Variants in RPTOR observed in about 807,000 individuals in gnomAD.
The protein encoded by RPTOR is regulatory associated protein of MTOR complex 1.
RPTOR carries 21 observed loss-of-function variants against 169.9 expected under a neutral mutation model. That is an observed-to-expected ratio of 0.12 (90% CI 0.09 to 0.18). RPTOR has a LOEUF of 0.18. Among genes scored for constraint, RPTOR ranks in the 10% least tolerant of loss-of-function variants. The pLI is 1.00. For synonymous variants in RPTOR, 732 were observed against 753.2 expected (o/e 0.97, Z 0.46); for missense variants, 1,133 against 1,855.9 (o/e 0.61, Z 7.16).
intron 20 of RPTOR, among the ~76,000 whole-genome samples, chr17:80,902,744 A>G (rs143922804): frequency 1.3e-5 from 2 of 152,192 alleles, no homozygotes; most frequent in African/African-American, 2.4e-5. Flanking sequence ...ACACCCATGC[A>G]TGTGGCCCCA....
rs930606876 is a variant in RPTOR, at chr17:80,726,099, G to A, written c.508-4461G>A. On this transcript the variant is annotated intron_variant, in intron 4 of 33. Coordinates refer to ENST00000306801, the MANE Select transcript of RPTOR (RefSeq NM_020761.3). This position sits in a 1 kb window ranked among gnomAD's most constrained non-coding sequence, Gnocchi z 4.5. ...GGCCCTGGTGCTGAGAGGGACAGAC[G>A]CCGCTCACAGAGAAGCGACCACAGA... Among the ~76,000 whole-genome samples, 17 of 152,166 alleles carry A rather than the reference G, an allele frequency of 1.1e-4. No individual in the cohort carries two copies. Among genetic ancestry groups the A allele is most frequent in the East Asian group, 3.9e-4 (2 of 5,180 alleles).
chr17:80,563,759 C>T (rs1046761352), intron 1 of RPTOR, among the ~76,000 whole-genome samples: 6 of 152,110 alleles, frequency 3.9e-5, no homozygotes, highest in African/African-American at 1.2e-4. Flanking sequence ...TGAGTTGCCA[C>T]AAAGTGAACA....
At chr17:80,830,751 T>A (rs576377530) in intron 9 of RPTOR, among the ~76,000 whole-genome samples, 72 of 146,620 alleles carry the variant, frequency 4.9e-4, no homozygotes, top group African/African-American at 1.8e-3. Flanking sequence ...ATCATTTTCA[T>A]CTTTTTTTTT....
In RPTOR at chr17:80,651,876, G is replaced by T. The variant is rs1308924154; in HGVS notation, c.348+8066G>T. 6.6e-6 allele frequency among the ~76,000 whole-genome samples: 1 copy of T among 152,218 alleles called. No homozygotes were observed. Among genetic ancestry groups the T allele is most frequent in the African/African-American group, 2.4e-5 (1 of 41,456 alleles). ...AAAAATTAGCCGGGCGCAGTGGCAGGTGCCTACTGTAGTCCCAGTTACTCA... is the reference window on the plus strand; with the variant it reads ...AAAAATTAGCCGGGCGCAGTGGCAGTTGCCTACTGTAGTCCCAGTTACTCA... On this transcript the variant is annotated intron_variant, in intron 3 of 33. Transcript: ENST00000306801. The surrounding 1 kb of genome is among the most constrained non-coding windows in gnomAD (Gnocchi z 4.1).
intron 5 of RPTOR, among the ~76,000 whole-genome samples, chr17:80,734,302 G>T (rs897158498): frequency 6.6e-6 from 1 of 152,156 alleles, no homozygotes; most frequent in African/African-American, 2.4e-5. Context: ...TCGCTCAGCC[G>T]ATCGTGCCTG....
rs1228831903 is a variant in RPTOR, at chr17:80,822,312, G to A, written c.991+11G>A. ...ACGTGCTCCCCCGGGGTGAGGCGCG[G>A]GCCGGGCCTTGGGGAGGGAGGCTAT... is the stretch of plus-strand genomic sequence containing the variant. On this transcript the variant is annotated intron_variant, in intron 8 of 33. Transcript: ENST00000306801. 6.2e-7 allele frequency: 1 copy of A among 1,613,674 alleles called. No individual in the cohort carries two copies. The highest frequency in any genetic ancestry group is 8.5e-7 in the Non-Finnish European group (1 of 1,179,680).
In RPTOR at chr17:80,595,485, T is replaced by G. The variant is rs184383605; in HGVS notation, c.163-30206T>G. Among the ~76,000 whole-genome samples, 511 of 152,294 alleles carry G rather than the reference T, an allele frequency of 3.4e-3. 1 individual carries two copies. Among genetic ancestry groups the G allele is most frequent in the African/African-American group, 0.012 (495 of 41,556 alleles). On this transcript the variant is annotated intron_variant, in intron 1 of 33. Transcript: ENST00000306801. ...TTTTTCCCCCCCCTTAGATGGGGTC[T>G]CGCTCATTCGCCCAGGCTAGAGTGC...
intron 25 of RPTOR, 25 bp from the exon 26 acceptor site, chr17:80,945,642 C>T: frequency 7.2e-7 from 1 of 1,397,748 alleles, no homozygotes; most frequent in East Asian, 2.4e-5. Flanking sequence ...CTCCTGGATC[C>T]ACTCTTGTGT....
chr17:80,723,071 A>G (rs2066300580), intron 4 of RPTOR, among the ~76,000 whole-genome samples: 1 of 151,370 alleles, frequency 6.6e-6, no homozygotes, highest in Admixed American at 6.6e-5. Context: ...AGTTTTGGGA[A>G]GAATAATGCA....
chr17:80,607,068 A>G (rs1452732968), intron 1 of RPTOR, among the ~76,000 whole-genome samples: 1 of 152,178 alleles, frequency 6.6e-6, no homozygotes, highest in African/African-American at 2.4e-5. Context: ...AGGTGCATGC[A>G]TGTGAGGCTC....
chr17:80,856,388 C>T (rs924053049), intron 12 of RPTOR, among the ~76,000 whole-genome samples: 6 of 152,150 alleles, frequency 3.9e-5, no homozygotes, highest in Non-Finnish European at 5.9e-5. Flanking sequence ...TGCTTGGGAG[C>T]GGTGCGGTGG....
At position 80,959,040 on chromosome 17, in the gene RPTOR, G is replaced by A. The variant is rs772452845; in HGVS notation, c.3478-1038G>A. The stretch of plus-strand genomic sequence containing the variant: ...CTCAGCCCTGCTGCCGTAGAGGGCG[G>A]TGTGGAGCAGGCCCAGCAGAGGGGA... On this transcript the variant is annotated intron_variant, in intron 29 of 33. Coordinates refer to ENST00000306801, the MANE Select transcript of RPTOR (RefSeq NM_020761.3). This position sits in a 1 kb window ranked among gnomAD's most constrained non-coding sequence, Gnocchi z 6.7. Among the ~76,000 whole-genome samples the A allele has an allele frequency of 5.9e-5, 9 of 152,248 alleles. No homozygotes were observed. Among genetic ancestry groups the A allele is most frequent in the Non-Finnish European group, 1.0e-4 (7 of 68,042 alleles).
intron 25 of RPTOR, among the ~76,000 whole-genome samples, chr17:80,942,498 G>A (rs1193212666): frequency 6.6e-6 from 1 of 152,008 alleles, no homozygotes; most frequent in South Asian, 2.1e-4. Flanking sequence ...CACCAAATGA[G>A]GCCTCAAGAC....
At chr17:80,552,231 CTG>C (rs778320134) in intron 1 of RPTOR, among the ~76,000 whole-genome samples, 12 of 152,226 alleles carry the variant, frequency 7.9e-5, no homozygotes, top group Non-Finnish European at 1.2e-4. Context: ...TTGGCTTCCT[CTG>C]TGCTTAAAGT....
chr17:80,818,289 C>G (rs2067344551), intron 7 of RPTOR, among the ~76,000 whole-genome samples: 1 of 152,162 alleles, frequency 6.6e-6, no homozygotes, highest in Non-Finnish European at 1.5e-5. Context: ...TTACAGTTTT[C>G]ACATAGAAGT....
intron 10 of RPTOR, among the ~76,000 whole-genome samples, chr17:80,840,649 C>T (rs2067626739): frequency 1.3e-5 from 1 of 74,638 alleles, no homozygotes. Flanking sequence ...CGGCAGCTCA[C>T]TCTCACCACA....
intron 28 of RPTOR, among the ~76,000 whole-genome samples, chr17:80,954,466 A>G (rs957213454): frequency 6.8e-6 from 1 of 147,516 alleles, no homozygotes; most frequent in African/African-American, 2.5e-5. Context: ...AGGTCTTGCT[A>G]TGTTGCCCAG....
At chr17:80,858,004 C>A in intron 13 of RPTOR, 104 bp downstream of exon 13, 2 of 884,426 alleles carry the variant, frequency 2.3e-6, no homozygotes, top group Admixed American at 2.0e-5. Context: ...GCCTCGCTCC[C>A]TCTCCAGGCA....
chr17:80,880,818 T>TA (rs1478869060), intron 14 of RPTOR, among the ~76,000 whole-genome samples: 1 of 152,204 alleles, frequency 6.6e-6, no homozygotes, highest in Non-Finnish European at 1.5e-5. Context: ...TCCGCCGCGT[T>TA]AGACTAGTGA....
Sources: gnomAD v4.1 joint callset for allele counts (sites outside exome capture counted in the v4.1 genomes callset) on GRCh38, gnomAD v4.1.1 for gene constraint, Gnocchi (gnomAD v3.1) non-coding constraint, MANE v1.5 for transcripts, NCBI Gene and HGNC (gene_info 2026-07-23, HGNC 2026-07-21) for gene names.